PDE8B: variants seen among roughly 807,000 people sequenced by gnomAD.
PDE8B encodes the protein phosphodiesterase 8B.
A neutral mutation model predicts 101.3 loss-of-function variants in PDE8B; 26 were observed. That is an observed-to-expected ratio of 0.26 (90% confidence interval 0.19 to 0.36). PDE8B has a LOEUF of 0.36. Among genes scored for constraint, PDE8B ranks in the 10% least tolerant of loss-of-function variants. The probability of loss-of-function intolerance (pLI) is 1.00; values close to 1 mark genes in which losing one functional copy is unlikely to be tolerated. For synonymous variants in PDE8B, 424 were observed against 429.3 expected (o/e 0.99, Z 0.15); for missense variants, 810 against 1,163.1 (o/e 0.70, Z 4.42).
At chr5:77,169,445 G>C in the PDE8B span, among the ~76,000 whole-genome samples, 249 of 152,298 alleles carry the variant, frequency 1.6e-3, no homozygotes, top group African/African-American at 5.7e-3. Context: ...CCAAGAATTT[G>C]TGTCTCCAAG....
chr5:77,323,526 A>T (rs1012294636), intron 2 of PDE8B, among the ~76,000 whole-genome samples: 1 of 152,238 alleles, frequency 6.6e-6, no homozygotes, highest in Non-Finnish European at 1.5e-5. Flanking sequence ...ATCTATTATA[A>T]GAGCTAGGAA....
intron 1 of PDE8B, among the ~76,000 whole-genome samples, chr5:77,216,572 A>G (rs1749781766): frequency 6.6e-6 from 1 of 152,214 alleles, no homozygotes; most frequent in Non-Finnish European, 1.5e-5. Context: ...TGGAAGCTAC[A>G]ATTCAAGATG....
intron 1 of PDE8B, among the ~76,000 whole-genome samples, chr5:77,245,555 A>G (rs1056048717): frequency 1.3e-5 from 2 of 152,148 alleles, no homozygotes; most frequent in Admixed American, 1.3e-4. Flanking sequence ...TGAGATGATT[A>G]TTATTGGGCC....
At chr5:77,214,896 C>T (rs1442937817) in intron 1 of PDE8B, among the ~76,000 whole-genome samples, 2 of 152,098 alleles carry the variant, frequency 1.3e-5, no homozygotes, top group Admixed American at 6.5e-5. Flanking sequence ...CTGGGGACCC[C>T]ATTTTGAGAA....
intron 17 of PDE8B, among the ~76,000 whole-genome samples, chr5:77,417,307 A>G (rs1436858424): frequency 6.6e-6 from 1 of 152,078 alleles, no homozygotes; most frequent in East Asian, 1.9e-4. Flanking sequence ...TATACTCCCA[A>G]AGCATCTGTA....
intron 3 of PDE8B, among the ~76,000 whole-genome samples, chr5:77,328,006 A>G (rs1422791816): frequency 6.6e-6 from 1 of 152,186 alleles, no homozygotes; most frequent in African/African-American, 2.4e-5. Context: ...TAGTTCAAAT[A>G]CATTAAAGTA....
At chr5:77,424,822 T>G (rs978246879) in intron 20 of PDE8B, among the ~76,000 whole-genome samples, 20 of 108,814 alleles carry the variant, frequency 1.8e-4, no homozygotes, top group South Asian at 2.7e-4. Context: ...TTTTTTTGTT[T>G]TTTGTTTTTT....
At chr5:77,398,720 G>A (rs1317832987) in intron 10 of PDE8B, among the ~76,000 whole-genome samples, 3 of 152,202 alleles carry the variant, frequency 2.0e-5, no homozygotes, top group Non-Finnish European at 4.4e-5. Flanking sequence ...ACAGTGTGAT[G>A]GTTGGCACTC....
At chr5:77,414,539 G>A (rs970535632) in intron 17 of PDE8B, among the ~76,000 whole-genome samples, 5 of 151,488 alleles carry the variant, frequency 3.3e-5, no homozygotes, top group Non-Finnish European at 7.4e-5. Context: ...TCCTGCCTCA[G>A]CCTCCTGAGT....
At chr5:77,371,936 C>T (rs1785142028) in intron 10 of PDE8B, among the ~76,000 whole-genome samples, 1 of 152,194 alleles carries the variant, frequency 6.6e-6, no homozygotes, top group South Asian at 2.1e-4. Flanking sequence ...TGCAGTGGCT[C>T]ACGCCTGTAA....
At chr5:77,229,820 A>G (rs906439062) in intron 1 of PDE8B, among the ~76,000 whole-genome samples, 14 of 152,170 alleles carry the variant, frequency 9.2e-5, no homozygotes, top group African/African-American at 3.4e-4. Context: ...GATATACTAC[A>G]TTTTGTTTAT....
rs543848749 is a variant in PDE8B at position 77,262,431 on chromosome 5, T to C, written c.340-49563T>C. Among the ~76,000 whole-genome samples, 323 of 152,366 alleles carry C rather than the reference T, an allele frequency of 2.1e-3. 1 individual carries two copies. Among genetic ancestry groups the C allele is most frequent in the African/African-American group, 7.1e-3 (296 of 41,598 alleles). ...AAAGGAAAACAAATGTCCCTCTCGC[T>C]TTGTACCCCTACTGAAATATTGAAG... On this transcript the variant is annotated intron_variant, in intron 1 of 21. Coordinates refer to ENST00000264917, the MANE Select transcript of PDE8B (RefSeq NM_003719.5).
intron 1 of PDE8B, among the ~76,000 whole-genome samples, chr5:77,259,853 A>C (rs2149689546): frequency 6.6e-6 from 1 of 152,254 alleles, no homozygotes; most frequent in South Asian, 2.1e-4. Flanking sequence ...CTGTGGAAAA[A>C]AGTTTGACTA....
chr5:77,183,347 T>A, the PDE8B span, among the ~76,000 whole-genome samples: 1 of 152,142 alleles, frequency 6.6e-6, no homozygotes, highest in Non-Finnish European at 1.5e-5. Flanking sequence ...CTCGAACTCC[T>A]GACCTCATGA....
intron 1 of PDE8B, among the ~76,000 whole-genome samples, chr5:77,216,926 A>AAGAGAT (rs1366645450): frequency 6.6e-6 from 1 of 152,196 alleles, no homozygotes; most frequent in Non-Finnish European, 1.5e-5. Flanking sequence ...AACAGGCAAT[A>AAGAGAT]AGAGATGTTC....
At chr5:77,379,906 G>A (rs754794501) in intron 10 of PDE8B, among the ~76,000 whole-genome samples, 1 of 152,044 alleles carries the variant, frequency 6.6e-6, no homozygotes, top group Non-Finnish European at 1.5e-5. Context: ...CAGTTCCTGC[G>A]ATCACATCTC....
chr5:77,373,175 TTTCTC>T (rs1458352363), intron 10 of PDE8B, among the ~76,000 whole-genome samples: 1 of 152,214 alleles, frequency 6.6e-6, no homozygotes, highest in African/African-American at 2.4e-5. Context: ...CTTTATTACT[TTTCTC>T]TATTGTTAAT....
intron 1 of PDE8B, among the ~76,000 whole-genome samples, chr5:77,304,030 T>C (rs1446269300): frequency 1.3e-5 from 2 of 152,192 alleles, no homozygotes; most frequent in African/African-American, 4.8e-5. Flanking sequence ...ATGCCTCCTA[T>C]ACACCCTAGA....
chr5:77,253,509 T>G (rs1758494603), intron 1 of PDE8B, among the ~76,000 whole-genome samples: 2 of 152,192 alleles, frequency 1.3e-5, no homozygotes. Context: ...AAGAAACCTT[T>G]GAAATATGAG....
Sources: allele counts gnomAD v4.1 joint callset (sites outside exome capture counted in the v4.1 genomes callset), GRCh38; gene constraint gnomAD v4.1.1; transcripts MANE v1.5; gene names NCBI Gene and HGNC (gene_info 2026-07-23, HGNC 2026-07-21).